PALM: variants seen among roughly 807,000 people sequenced by gnomAD.
The protein encoded by PALM is paralemmin, also known as paralemmin-1.
Under a neutral mutation model 30.7 loss-of-function variants are expected in PALM, and 18 were observed. The observed-to-expected ratio is 0.59, with a 90% CI of 0.41 to 0.87. The LOEUF is 0.87. Among genes scored for constraint, PALM ranks in the 40% least tolerant of loss-of-function variants. The pLI is 0.00. For missense variants in PALM, 529 were observed against 555.4 expected (o/e 0.95, Z 0.48); for synonymous variants, 286 against 242.8 (o/e 1.18, Z -1.66).
chr19:722,299 C>T (rs2032516774), intron 1 of PALM, among the ~76,000 whole-genome samples: 1 of 152,192 alleles, frequency 6.6e-6, no homozygotes, highest in Non-Finnish European at 1.5e-5. Context: ...GACCCAGCCT[C>T]AACCTCCTGG....
Position 732,967 on chromosome 19 carries a change from C to G in PALM, c.421-1206C>G, listed in dbSNP as rs1299710901. Among the ~76,000 whole-genome samples, 8 of 151,596 alleles carry G rather than the reference C, an allele frequency of 5.3e-5. No individual in the cohort carries two copies. In the East Asian group the frequency reaches 1.6e-3, roughly 30 times the overall value. On this transcript the variant is annotated intron_variant, in intron 5 of 8. Coordinates refer to ENST00000338448, the MANE Select transcript of PALM (RefSeq NM_002579.3). ...TTTTTTTTTGAGACAGAGTTTCACT[C>G]TTGTTACCCAGGCTGGAGTGCAATG...
At chr19:713,132 G>T (rs34737303) in intron 1 of PALM, among the ~76,000 whole-genome samples, 16,204 of 151,898 alleles carry the variant, frequency 0.11, 1,136 homozygotes, top group East Asian at 0.31. Flanking sequence ...CGGGGACAGG[G>T]GAGGGTTTTT....
rs2031991723 is a variant in PALM, at chr19:709,316, G to A, written c.5+165G>A. Among the ~76,000 whole-genome samples the A allele has an allele frequency of 6.6e-6, 1 of 151,252 alleles. No homozygotes were observed. The highest frequency in any genetic ancestry group is 6.6e-5 in the Admixed American group (1 of 15,182). ...CCGCAGCGCAGCCGGGAAGAGACTC[G>A]GGCTGGGCCGCGCCTGCCGGGAGGC... On this transcript the variant is annotated intron_variant, in intron 1 of 8. Coordinates refer to ENST00000338448, the MANE Select transcript of PALM (RefSeq NM_002579.3). This position sits in a 1 kb window ranked among gnomAD's most constrained non-coding sequence, Gnocchi z 4.3.
intron 7 of PALM, among the ~76,000 whole-genome samples, chr19:737,386 C>G (rs1568231362): frequency 6.6e-6 from 1 of 152,208 alleles, no homozygotes; most frequent in Non-Finnish European, 1.5e-5. Flanking sequence ...CTGTGCAGAG[C>G]TATAGAGTTG....
chr19:714,852 C>T (rs2032206522), intron 1 of PALM, among the ~76,000 whole-genome samples: 1 of 151,982 alleles, frequency 6.6e-6, no homozygotes, highest in African/African-American at 2.4e-5. Flanking sequence ...GACGGGGTCT[C>T]CCTGTGTTGC....
At chr19:735,098 G>A (rs1049844168) in intron 6 of PALM, 8 of 948,906 alleles carry the variant, frequency 8.4e-6, no homozygotes, top group Admixed American at 6.1e-5. Context: ...TAGGGGTTGC[G>A]GTGGGGGTCC....
rs1043741786 is a variant in PALM, at chr19:748,076, G to C, written c.*1262G>C. The C allele has an allele frequency of 1.3e-5, 2 of 152,452 alleles. No individual in the cohort carries two copies. Among genetic ancestry groups the C allele is most frequent in the African/African-American group, 4.8e-5 (2 of 41,450 alleles). The allele number at this position is 152,452 out of a possible 1,614,324, so 9.4% of individuals were successfully genotyped here. On this transcript the variant is annotated 3_prime_UTR_variant, in exon 9 of 9. Transcript: ENST00000338448. ...CAGCCTCGGCAGGGCAGGTACAGGG[G>C]CCACCTCGGATGGGAGCCTGGGTCC...
chr19:736,357 C>T (rs904135091), intron 7 of PALM, among the ~76,000 whole-genome samples: 1 of 152,206 alleles, frequency 6.6e-6, no homozygotes, highest in Non-Finnish European at 1.5e-5. Context: ...TCACGGCTTT[C>T]ATTCCACCCT....
chr19:713,814 T>A lies in PALM; in HGVS notation c.5+4663T>A, dbSNP rs147763507. On this transcript the variant is annotated intron_variant, in intron 1 of 8. Transcript: ENST00000338448. ...CCAGGCTGGTCTCGAACTCCTGGCC[T>A]CAAGTGATCCGCCTGCCTCAGCTTC... Among the ~76,000 whole-genome samples the A allele has an allele frequency of 9.1e-3, 1,383 of 152,236 alleles. 26 individuals carry two copies. Among genetic ancestry groups the A allele is most frequent in the African/African-American group, 0.032 (1,314 of 41,540 alleles).
chr19:726,996 C>G lies in PALM; in HGVS notation c.58-12C>G. 4 of 1,335,650 alleles carry G rather than the reference C, an allele frequency of 3.0e-6. No individual in the cohort carries two copies. Among genetic ancestry groups the G allele is most frequent in the Non-Finnish European group, 4.2e-6 (4 of 961,966 alleles). The allele number at this position is 1,335,650 out of a possible 1,614,324, so 82.7% of individuals were successfully genotyped here. A position where few individuals can be genotyped will look rare whatever the true frequency, so the allele number is the denominator to read the frequency against. On this transcript the variant is annotated splice_polypyrimidine_tract_variant and intron_variant, in intron 2 of 8. Coordinates refer to ENST00000338448, the MANE Select transcript of PALM (RefSeq NM_002579.3). The stretch of plus-strand genomic sequence containing the variant: ...CACGCCCATCCCTGACCCCACCCGG[C>G]CCTCCCCACAGGAGAAGCGGAAGCG...
At chr19:734,406 G>A in intron 6 of PALM, 3 of 573,410 alleles carry the variant, frequency 5.2e-6, no homozygotes, top group Non-Finnish European at 9.3e-6. Context: ...CTGAAAAAAT[G>A]CAAAGACAAT....
intron 1 of PALM, among the ~76,000 whole-genome samples, chr19:724,467 C>T (rs1311141396): frequency 3.3e-5 from 5 of 151,868 alleles, no homozygotes; most frequent in African/African-American, 7.3e-5. Context: ...TTACAGGTGC[C>T]GACCACCACG....
intron 4 of PALM, among the ~76,000 whole-genome samples, chr19:729,711 C>G (rs1027135066): frequency 2.0e-5 from 3 of 152,078 alleles, no homozygotes; most frequent in African/African-American, 7.2e-5. Context: ...ATCCGCCCGC[C>G]TCTGCCTTCC....
intron 1 of PALM, among the ~76,000 whole-genome samples, chr19:725,794 G>A (rs369440902): frequency 6.6e-6 from 1 of 152,084 alleles, no homozygotes; most frequent in African/African-American, 2.4e-5. Flanking sequence ...CTGTCTTATG[G>A]TCTGGGCCAG....
intron 2 of PALM, among the ~76,000 whole-genome samples, chr19:726,400 C>A (rs2032663465): frequency 1.3e-5 from 2 of 152,170 alleles, no homozygotes; most frequent in South Asian, 4.1e-4. Context: ...CCTCGCTCTG[C>A]CTGATGGGTC....
chr19:727,251 AC>A (rs1292334944), intron 3 of PALM, among the ~76,000 whole-genome samples, 163 bp downstream of exon 3: 1 of 126,842 alleles, frequency 7.9e-6, no homozygotes, highest in Non-Finnish European at 1.7e-5. Context: ...CCCGACCCCG[AC>A]CCTGACCCCA....
chr19:727,988 G>A (rs1568226169), intron 4 of PALM: 11 of 220,714 alleles, frequency 5.0e-5, no homozygotes, highest in South Asian at 4.0e-4. Flanking sequence ...GGGACGTGGC[G>A]TCGAGCTCCT....
chr19:725,956 G>C (rs1056752055), intron 1 of PALM, among the ~76,000 whole-genome samples, 182 bp from the exon 2 acceptor site: 16 of 152,194 alleles, frequency 1.1e-4, no homozygotes, highest in Non-Finnish European at 1.9e-4. Context: ...TCCTGTCCTG[G>C]CTTCCTTGGC....
intron 8 of PALM, among the ~76,000 whole-genome samples, chr19:743,022 G>A (rs1214160180): frequency 3.3e-5 from 5 of 152,110 alleles, no homozygotes; most frequent in Admixed American, 3.3e-4. Context: ...GTGGATGAGG[G>A]CCCAGTTTCT....
Sources: gnomAD v4.1 joint callset for allele counts (sites outside exome capture counted in the v4.1 genomes callset) on GRCh38, gnomAD v4.1.1 for gene constraint, Gnocchi (gnomAD v3.1) non-coding constraint, MANE v1.5 for transcripts, NCBI Gene and HGNC (gene_info 2026-07-23, HGNC 2026-07-21) for gene names.